The following RPS6KA5 variants were observed in gnomAD, a reference collection of about 807,000 sequenced individuals.
RPS6KA5 encodes the protein ribosomal protein S6 kinase A5, also known as ribosomal protein S6 kinase alpha-5.
In RPS6KA5, 27 loss-of-function variants were observed where a neutral mutation model predicts 85.5. The ratio of observed to expected loss-of-function variants is 0.32; its 90% CI spans 0.23 to 0.44. The LOEUF is 0.44. Ranked by LOEUF, RPS6KA5 falls within the 20% of genes least tolerant of loss-of-function variation. The pLI, the probability that RPS6KA5 is intolerant of heterozygous loss-of-function variation, is 1.00. For synonymous variants in RPS6KA5, 334 were observed against 348.2 expected, an observed-to-expected ratio of 0.96 and a Z score of 0.46; for missense variants, 811 against 980.9, an observed-to-expected ratio of 0.83 and a Z score of 2.31.
chr14:91,050,825 T>G (rs543938715), intron 1 of RPS6KA5, among the ~76,000 whole-genome samples: 2 of 152,330 alleles, frequency 1.3e-5, no homozygotes, highest in Admixed American at 6.5e-5. Flanking sequence ...TAAAAGCTAA[T>G]TACAAATCAA....
At chr14:90,967,403 A>G (rs1286090) in intron 3 of RPS6KA5, among the ~76,000 whole-genome samples, 2,294 of 152,162 alleles carry the variant, frequency 0.015, 73 homozygotes, top group African/African-American at 0.053. Flanking sequence ...TTTGTTAAAT[A>G]ATAACTAATA....
Position 90,978,329 on chromosome 14 carries a change from T to A in RPS6KA5, c.371A>T (p.Glu124Val). The change falls in exon 3 of 17, where the codon GAA (glutamate) becomes GTA (valine). Residue 124 changes from glutamate to valine, a missense_variant. Around this residue, in one of 3 missense-constraint regions of RPS6KA5, gnomAD observed 48 missense variants for 87.6 expected, o/e 0.55. Coordinates refer to ENST00000614987, the MANE Select transcript of RPS6KA5 (RefSeq NM_004755.4). ...ACCTAAAATGAGATGAAGTTTGGTT[T>A]CTGTCTGGAAAGCATAATGTAATGT... ...LVTLHYAFQTETKLHLILDYI... is the reference protein window; with the variant it reads ...LVTLHYAFQTVTKLHLILDYI... 6.2e-7 allele frequency: 1 copy of A among 1,603,598 alleles called. No homozygotes were observed. The highest frequency in any genetic ancestry group is 1.1e-5 in the South Asian group (1 of 87,910).
chr14:91,051,095 G>A (rs867175496), intron 1 of RPS6KA5, among the ~76,000 whole-genome samples: 2 of 151,708 alleles, frequency 1.3e-5, no homozygotes, highest in African/African-American at 2.4e-5. Context: ...TAAGCGTGGC[G>A]GTGTGTGGTG....
chr14:90,967,755 G>T (rs1243182277), intron 3 of RPS6KA5, among the ~76,000 whole-genome samples: 2 of 152,148 alleles, frequency 1.3e-5, no homozygotes, highest in Non-Finnish European at 2.9e-5. Flanking sequence ...AATGCCAGAT[G>T]AAGCACTCTG....
At position 91,060,520 on chromosome 14, in the gene RPS6KA5, G is replaced by A. The variant is rs2043625183; in HGVS notation, c.-86C>T. On this transcript the variant is annotated 5_prime_UTR_variant, in exon 1 of 17. Transcript: ENST00000614987. The stretch of plus-strand genomic sequence containing the variant: ...CCCGTCCCCTCGCAGCCGCTGCCGC[G>A]GCCCCAGGAGTCGGGGTGCGGCGGC... The A allele has an allele frequency of 3.2e-6, 4 of 1,238,438 alleles. No individual in the cohort carries two copies. Among genetic ancestry groups the A allele is most frequent in the Middle Eastern group, 2.1e-4 (1 of 4,658 alleles). The allele number at this position is 1,238,438 out of a possible 1,614,324, so 76.7% of individuals were successfully genotyped here. A position where few individuals can be genotyped will look rare whatever the true frequency, so the allele number is the denominator to read the frequency against.
intron 3 of RPS6KA5, among the ~76,000 whole-genome samples, chr14:90,950,106 T>C (rs1447184876): frequency 6.6e-6 from 1 of 152,236 alleles, no homozygotes; most frequent in Non-Finnish European, 1.5e-5. Flanking sequence ...TCTTCTTTCA[T>C]TCTTTCAGCA....
At position 90,857,944 on chromosome 14, in the gene RPS6KA5, G is replaced by A. The variant is rs1369520933; in HGVS notation, c.*14130C>T. 2 of 152,052 alleles carry A rather than the reference G, an allele frequency of 1.3e-5. No individual in the cohort carries two copies. Among genetic ancestry groups the A allele is most frequent in the African/African-American group, 4.8e-5 (2 of 41,392 alleles). 9.4% of individuals were successfully genotyped at this position (152,052 alleles called of 1,614,324 possible). A position where few individuals can be genotyped will look rare whatever the true frequency, so the allele number is the denominator to read the frequency against. On this transcript the variant is annotated 3_prime_UTR_variant, in exon 17 of 17. Transcript: ENST00000614987. ...GGACAAAGGAACAAATGAATAAACC[G>A]GGTGCCTTCACATATGACCATGTGA...
intron 7 of RPS6KA5, among the ~76,000 whole-genome samples, chr14:90,907,145 C>T (rs965665867): frequency 4.6e-5 from 7 of 152,036 alleles, no homozygotes; most frequent in South Asian, 2.1e-4. Context: ...AATTAAGAAC[C>T]TTAACACAAT....
chr14:90,905,353 G>A (rs1008207670), intron 8 of RPS6KA5, among the ~76,000 whole-genome samples: 3 of 151,988 alleles, frequency 2.0e-5, no homozygotes, highest in African/African-American at 7.2e-5. Context: ...AACCTAGATG[G>A]TCCCTTTAGA....
At chr14:90,955,911 C>G (rs1246033698) in intron 3 of RPS6KA5, among the ~76,000 whole-genome samples, 1 of 152,080 alleles carries the variant, frequency 6.6e-6, no homozygotes, top group African/African-American at 2.4e-5. Flanking sequence ...ACGTTAGGCT[C>G]TATATTGTTA....
chr14:90,982,594 A>G (rs183047699), intron 2 of RPS6KA5, among the ~76,000 whole-genome samples: 23 of 152,400 alleles, frequency 1.5e-4, no homozygotes, highest in Admixed American at 6.5e-4. Context: ...CAAATGCTCA[A>G]TTAGCAATCC....
chr14:90,991,565 G>A (rs1179678462), intron 2 of RPS6KA5, among the ~76,000 whole-genome samples: 1 of 151,984 alleles, frequency 6.6e-6, no homozygotes, highest in Non-Finnish European at 1.5e-5. Context: ...ATCCGGGCAT[G>A]GTGGTGCACA....
At chr14:90,884,760 T>C (rs1331686212) in intron 14 of RPS6KA5, among the ~76,000 whole-genome samples, 2 of 152,222 alleles carry the variant, frequency 1.3e-5, no homozygotes, top group Non-Finnish European at 2.9e-5. Flanking sequence ...TGGGGAATTT[T>C]GAATCATGCT....
intron 1 of RPS6KA5, among the ~76,000 whole-genome samples, chr14:91,059,763 C>CA (rs1443392442): frequency 6.6e-6 from 1 of 152,232 alleles, no homozygotes; most frequent in African/African-American, 2.4e-5. Context: ...TAAAGGCACT[C>CA]AATCCCTGGA....
In RPS6KA5 at chr14:90,851,983, A is replaced by C. The variant is rs1235434310; in HGVS notation, c.*20091T>G. ...GAATTTAATATATTCGTTGATCTAAAGAAATAAACAGTATTATTCAGTAAT... is the reference window on the plus strand; with the variant it reads ...GAATTTAATATATTCGTTGATCTAACGAAATAAACAGTATTATTCAGTAAT... On this transcript the variant is annotated 3_prime_UTR_variant, in exon 17 of 17. Transcript: ENST00000614987. The C allele has an allele frequency of 6.6e-6, 1 of 152,196 alleles. No homozygotes were observed. The highest frequency in any genetic ancestry group is 2.4e-5 in the African/African-American group (1 of 41,458). 9.4% of individuals were successfully genotyped at this position (152,196 alleles called of 1,614,324 possible). A position where few individuals can be genotyped will look rare whatever the true frequency, so the allele number is the denominator to read the frequency against.
chr14:91,047,296 A>G (rs2042914561), intron 1 of RPS6KA5, among the ~76,000 whole-genome samples: 1 of 152,198 alleles, frequency 6.6e-6, no homozygotes, highest in South Asian at 2.1e-4. Flanking sequence ...GCCAAACCAT[A>G]CTTCTAAGTG....
At chr14:91,007,835 G>A (rs1014072414) in intron 1 of RPS6KA5, among the ~76,000 whole-genome samples, 2 of 151,724 alleles carry the variant, frequency 1.3e-5, no homozygotes, top group Non-Finnish European at 2.9e-5. Flanking sequence ...CTTTGTTGTT[G>A]TTTTCTTCAT....
chr14:90,979,679 T>C (rs867348704), intron 2 of RPS6KA5, among the ~76,000 whole-genome samples: 7 of 152,234 alleles, frequency 4.6e-5, no homozygotes, highest in Non-Finnish European at 7.3e-5. Context: ...AGACTAATAA[T>C]CCTGAGAAGG....
chr14:90,879,660 C>T (rs80060912), intron 14 of RPS6KA5, among the ~76,000 whole-genome samples: 1,950 of 152,280 alleles, frequency 0.013, 42 homozygotes, highest in African/African-American at 0.045. Flanking sequence ...GCTCTGCTCT[C>T]TTTTCCTCAG....
Sources: gnomAD v4.1 joint callset for allele counts (sites outside exome capture counted in the v4.1 genomes callset) on GRCh38, gnomAD v4.1.1 for gene constraint, gnomAD v4.1.1 regional missense constraint, MANE v1.5 for transcripts, NCBI Gene and HGNC (gene_info 2026-07-23, HGNC 2026-07-21) for gene names.